CCSER1: variants seen among roughly 807,000 people sequenced by gnomAD.
The protein encoded by CCSER1 is serine-rich coiled-coil domain-containing protein 1.
In CCSER1, 41 loss-of-function variants were observed where a neutral mutation model predicts 82.0. The observed-to-expected ratio is 0.50, with a 90% CI of 0.39 to 0.65. CCSER1 has a LOEUF of 0.65. Among genes scored for constraint, CCSER1 ranks in the 30% least tolerant of loss-of-function variants. CCSER1 has a pLI of 0.00. For synonymous variants in CCSER1, 414 were observed against 383.9 expected (o/e 1.08, Z -0.92); for missense variants, 1,119 against 1,064.2 (o/e 1.05, Z -0.72).
rs1378821282 is a variant in CCSER1, at chr4:90,197,959, T to C, written c.-42+70128T>C. ...GATTGTTAGTATCACAAAGAATAAA[T>C]GCTTGAAGGGATGGATACCCCATTC... On this transcript the variant is annotated intron_variant, in intron 1 of 10. Transcript: ENST00000509176. Among the ~76,000 whole-genome samples the C allele has an allele frequency of 2.6e-5, 4 of 152,126 alleles. No individual in the cohort carries two copies. The East Asian group carries it at 7.7e-4, about 29-fold the overall frequency.
chr4:90,885,762 T>G, intron 8 of CCSER1, among the ~76,000 whole-genome samples: 1 of 152,290 alleles, frequency 6.6e-6, no homozygotes, highest in East Asian at 1.9e-4. Context: ...GCTGAATTTA[T>G]CAGATACATA....
At chr4:90,141,020 A>ATATCTATCTATCTATCTATCTATCTATC (rs60163485) in intron 1 of CCSER1, among the ~76,000 whole-genome samples, 10 of 145,874 alleles carry the variant, frequency 6.9e-5, no homozygotes, top group East Asian at 6.2e-4. Context: ...ACCCAGCAAG[A>ATATCTATCTATCTATCTATCTATCTATC]TATCTATCTA....
chr4:91,139,477 G>T (rs1165366318), intron 10 of CCSER1, among the ~76,000 whole-genome samples: 1 of 152,042 alleles, frequency 6.6e-6, no homozygotes, highest in Admixed American at 6.6e-5. Context: ...GCTGCGATTT[G>T]CATTTTTCTC....
At chr4:90,936,796 G>A (rs1398985500) in intron 9 of CCSER1, among the ~76,000 whole-genome samples, 1 of 152,030 alleles carries the variant, frequency 6.6e-6, no homozygotes, top group East Asian at 1.9e-4. Flanking sequence ...AATACTGAAT[G>A]GCAGGCATCT....
At chr4:91,569,530 A>T (rs1763064132) in intron 10 of CCSER1, among the ~76,000 whole-genome samples, 1 of 152,202 alleles carries the variant, frequency 6.6e-6, no homozygotes, top group Non-Finnish European at 1.5e-5. Flanking sequence ...GGGAGGCCTC[A>T]GGAAACTTAA....
chr4:90,576,747 A>G (rs1780819857), intron 5 of CCSER1, among the ~76,000 whole-genome samples: 1 of 152,178 alleles, frequency 6.6e-6, no homozygotes, highest in African/African-American at 2.4e-5. Flanking sequence ...GATATACTAC[A>G]GTTGATTTAT....
At chr4:90,610,502 A>T (rs73833729) in intron 5 of CCSER1, among the ~76,000 whole-genome samples, 1 of 152,020 alleles carries the variant, frequency 6.6e-6, no homozygotes, top group Non-Finnish European at 1.5e-5. Flanking sequence ...GATACATATG[A>T]TATAAATATT....
chr4:91,409,456 G>GTTTTCAAAT (rs1399180502), intron 10 of CCSER1, among the ~76,000 whole-genome samples: 3 of 152,130 alleles, frequency 2.0e-5, no homozygotes, highest in African/African-American at 7.2e-5. Context: ...TGTTTCTGTA[G>GTTTTCAAAT]TTTTCAAATT....
chr4:90,605,706 T>C (rs1039555961), intron 5 of CCSER1, among the ~76,000 whole-genome samples: 4 of 152,218 alleles, frequency 2.6e-5, no homozygotes, highest in African/African-American at 9.6e-5. Flanking sequence ...GAATAAAATA[T>C]GTGTCTTTTG....
intron 4 of CCSER1, among the ~76,000 whole-genome samples, chr4:90,424,037 G>A (rs1315635967): frequency 1.3e-5 from 2 of 151,242 alleles, no homozygotes; most frequent in South Asian, 2.1e-4. Context: ...GTTGCAGTGA[G>A]CAGAGATTGC....
intron 1 of CCSER1, among the ~76,000 whole-genome samples, chr4:90,129,894 C>G (rs895863521): frequency 3.3e-5 from 5 of 152,144 alleles, no homozygotes; most frequent in Non-Finnish European, 7.3e-5. Context: ...CCTCAACTAT[C>G]CCAAACTATT....
intron 3 of CCSER1, among the ~76,000 whole-genome samples, chr4:90,376,787 G>A (rs939224670): frequency 6.6e-6 from 1 of 152,100 alleles, no homozygotes; most frequent in Non-Finnish European, 1.5e-5. Context: ...GGAGTTTGAT[G>A]TTAAAGACAC....
chr4:90,818,535 C>G (rs941132824), intron 8 of CCSER1, among the ~76,000 whole-genome samples: 1 of 152,154 alleles, frequency 6.6e-6, no homozygotes, highest in African/African-American at 2.4e-5. Flanking sequence ...CCTCGGTTTC[C>G]CAAAGTGCTG....
intron 5 of CCSER1, among the ~76,000 whole-genome samples, chr4:90,576,987 C>T (rs1560749380): frequency 6.6e-6 from 1 of 152,036 alleles, no homozygotes; most frequent in Non-Finnish European, 1.5e-5. Flanking sequence ...TTTTGCATTC[C>T]CACTAGCAAT....
In CCSER1 at chr4:90,170,891, G is replaced by A. The variant is rs147393426; in HGVS notation, c.-42+43060G>A. The stretch of plus-strand genomic sequence containing the variant: ...CTTCTGAGTATGTAGCTAGCAGTGG[G>A]ATTGCTGGATCATATGGTAGCTCAA... On this transcript the variant is annotated intron_variant, in intron 1 of 10. Transcript: ENST00000509176. Among the ~76,000 whole-genome samples the A allele has an allele frequency of 2.0e-3, 306 of 151,890 alleles. 1 individual carries two copies. The highest frequency in any genetic ancestry group is 7.2e-3 in the African/African-American group (297 of 41,514).
chr4:90,569,749 G>A (rs1403629163), intron 5 of CCSER1, among the ~76,000 whole-genome samples: 1 of 152,178 alleles, frequency 6.6e-6, no homozygotes, highest in East Asian at 1.9e-4. Context: ...ATCTTGTGCT[G>A]AGTGGCTACA....
chr4:90,742,639 A>C (rs908772068), intron 7 of CCSER1, among the ~76,000 whole-genome samples: 1 of 152,282 alleles, frequency 6.6e-6, no homozygotes, highest in East Asian at 1.9e-4. Flanking sequence ...ATAACTTTCA[A>C]TTGTTTAGAA....
At position 90,458,257 on chromosome 4, in the gene CCSER1, C is replaced by T. The variant is rs117428742; in HGVS notation, c.1604-9977C>T. Among the ~76,000 whole-genome samples the T allele has an allele frequency of 5.5e-4, 84 of 152,304 alleles. 2 individuals carry two copies. In the East Asian group the frequency reaches 0.016, roughly 29 times the overall value. On this transcript the variant is annotated intron_variant, in intron 4 of 10. Coordinates refer to ENST00000509176, the MANE Select transcript of CCSER1 (RefSeq NM_001145065.2). ...CCTTCCACCTGCTCCATGGAGTGCA[C>T]CGCCCCAGCTACACCTCCCACACTG...
intron 3 of CCSER1, among the ~76,000 whole-genome samples, chr4:90,397,736 A>T (rs1006583046): frequency 1.3e-5 from 2 of 152,196 alleles, no homozygotes; most frequent in African/African-American, 2.4e-5. Context: ...AGTTTGGCTC[A>T]TATAAGAATC....
Sources: allele counts gnomAD v4.1 joint callset (sites outside exome capture counted in the v4.1 genomes callset), GRCh38; gene constraint gnomAD v4.1.1; transcripts MANE v1.5; gene names NCBI Gene and HGNC (gene_info 2026-07-23, HGNC 2026-07-21).